DNAJC11: variants seen among roughly 807,000 people sequenced by gnomAD.
DNAJC11 encodes the protein dnaJ homolog subfamily C member 11.
Under a neutral mutation model 78.6 loss-of-function variants are expected in DNAJC11, and 15 were observed. The observed-to-expected ratio is 0.19, with a 90% CI of 0.13 to 0.29. The LOEUF is 0.29. Among genes scored for constraint, DNAJC11 ranks in the 10% least tolerant of loss-of-function variants. DNAJC11 has a pLI of 1.00. For missense variants in DNAJC11, 547 were observed against 709.6 expected (o/e 0.77, Z 2.60); for synonymous variants, 292 against 272.1 (o/e 1.07, Z -0.72).
At chr1:6,638,457 A>G in intron 11 of DNAJC11, 93 bp from the exon 12 acceptor site, 1 of 1,224,264 alleles carries the variant, frequency 8.2e-7, no homozygotes, top group Non-Finnish European at 1.1e-6. Context: ...GAGCCCAGCA[A>G]ACAGTCTGTG....
At chr1:6,679,929 A>C (rs1642528020) in intron 2 of DNAJC11, among the ~76,000 whole-genome samples, 1 of 152,224 alleles carries the variant, frequency 6.6e-6, no homozygotes, top group Admixed American at 6.5e-5. Flanking sequence ...ATACAGTTAA[A>C]TTTGGTAATG....
chr1:6,649,391 G>A (rs933370143), intron 7 of DNAJC11, among the ~76,000 whole-genome samples: 2 of 152,058 alleles, frequency 1.3e-5, no homozygotes, highest in South Asian at 2.1e-4. Context: ...GGATGGTCTC[G>A]ATCTCCTGAT....
chr1:6,652,619 T>C (rs1280685239), intron 6 of DNAJC11, among the ~76,000 whole-genome samples: 2 of 152,106 alleles, frequency 1.3e-5, no homozygotes, highest in Admixed American at 6.5e-5. Flanking sequence ...TTTGTATTTT[T>C]AGTAGAGACG....
intron 4 of DNAJC11, among the ~76,000 whole-genome samples, chr1:6,664,647 G>A (rs748290930): frequency 1.3e-5 from 2 of 152,136 alleles, no homozygotes; most frequent in Admixed American, 1.3e-4. Context: ...AGTTCTGAAC[G>A]TCATTTTGGT....
intron 3 of DNAJC11, among the ~76,000 whole-genome samples, chr1:6,673,739 C>T (rs1284540140): frequency 6.6e-6 from 1 of 152,128 alleles, no homozygotes. Context: ...GGATCCAATC[C>T]AAGATTCCAC....
In DNAJC11 at chr1:6,645,144, G is replaced by A. The variant is rs1416652188; in HGVS notation, c.895-18C>T. The A allele has an allele frequency of 5.6e-6, 9 of 1,598,916 alleles. No homozygotes were observed. In the Admixed American group the frequency reaches 1.5e-4, roughly 27 times the overall value. ...ATTCCCAGCTGGGGAGACAGAGGGTGCAAGGATGCGTGGCTAGGGCGTGTG... is the reference window on the plus strand; with the variant it reads ...ATTCCCAGCTGGGGAGACAGAGGGTACAAGGATGCGTGGCTAGGGCGTGTG... On this transcript the variant is annotated intron_variant, in intron 8 of 15. Transcript: ENST00000377577. The surrounding 1 kb of genome is among the most constrained non-coding windows in gnomAD (Gnocchi z 4.1).
At chr1:6,662,115 T>C (rs1642223031) in intron 4 of DNAJC11, among the ~76,000 whole-genome samples, 29 of 124,500 alleles carry the variant, frequency 2.3e-4, no homozygotes, top group African/African-American at 7.8e-4. Context: ...CCATGCCCAG[T>C]TAATTGTTTT....
rs1336020079 is a variant in DNAJC11, at chr1:6,645,413, A to G, written c.895-287T>C. Among the ~76,000 whole-genome samples, 1 of 152,224 alleles carries G rather than the reference A, an allele frequency of 6.6e-6. No individual in the cohort carries two copies. Among genetic ancestry groups the G allele is most frequent in the Non-Finnish European group, 1.5e-5 (1 of 68,034 alleles). On this transcript the variant is annotated intron_variant, in intron 8 of 15. Transcript: ENST00000377577. The surrounding 1 kb of genome is among the most constrained non-coding windows in gnomAD (Gnocchi z 4.1). ...TGGCAGCGGCTGGTGAGAGCCAAGG[A>G]GCAGTGGCCCGTGTGGGGCTTCTCA...
intron 9 of DNAJC11, 46 bp downstream of exon 9, chr1:6,644,995 G>A (rs768277100): frequency 7.8e-6 from 12 of 1,546,956 alleles, no homozygotes; most frequent in South Asian, 6.7e-5. Context: ...GTGAAGACCC[G>A]CATGCAGTAC....
At position 6,660,459 on chromosome 1, in the gene DNAJC11, A is replaced by T. The variant is rs1384870995; in HGVS notation, c.379-6420T>A. 2.0e-5 allele frequency among the ~76,000 whole-genome samples: 3 copies of T among 152,094 alleles called. No individual in the cohort carries two copies. The East Asian group carries it at 5.8e-4, about 29-fold the overall frequency. On this transcript the variant is annotated intron_variant, in intron 4 of 15. Transcript: ENST00000377577. Reference sequence around the variant, plus strand: ...GCATGAGCCACCACGCCCAGTCTTAATATATAATTTATATATTGCATTTAC... The same window carrying T: ...GCATGAGCCACCACGCCCAGTCTTATTATATAATTTATATATTGCATTTAC...
chr1:6,636,516 C>G (rs1641771652), intron 14 of DNAJC11, among the ~76,000 whole-genome samples: 1 of 152,182 alleles, frequency 6.6e-6, no homozygotes. Flanking sequence ...CATTTTCATC[C>G]TTCTGTATGG....
chr1:6,684,759 A>T (rs576383614), intron 1 of DNAJC11, among the ~76,000 whole-genome samples: 3 of 152,356 alleles, frequency 2.0e-5, no homozygotes, highest in Non-Finnish European at 4.4e-5. Context: ...GATTATCATT[A>T]AGAATGACAC....
rs377652601 is a variant in DNAJC11, at chr1:6,689,598, A to T, written c.73-8561T>A. On this transcript the variant is annotated intron_variant, in intron 1 of 15. Transcript: ENST00000377577. ...AGGTTGGGAGTTCCAGACCAGCTTG[A>T]CCAACATGGAGAAACCCTGTCTCTG... 3.0e-4 allele frequency among the ~76,000 whole-genome samples: 46 copies of T among 152,192 alleles called. 1 individual carries two copies. The East Asian group carries it at 6.8e-3, about 22-fold the overall frequency.
At chr1:6,643,852 T>C (rs1375542238) in intron 10 of DNAJC11, among the ~76,000 whole-genome samples, 1 of 152,026 alleles carries the variant, frequency 6.6e-6, no homozygotes, top group East Asian at 1.9e-4. Context: ...GACATTTGCT[T>C]ACTCAGCAAA....
chr1:6,682,906 CAG>C, intron 1 of DNAJC11, among the ~76,000 whole-genome samples: 1 of 152,138 alleles, frequency 6.6e-6, no homozygotes, highest in East Asian at 1.9e-4. Flanking sequence ...GCCTGGGTGA[CAG>C]AGGGGGAAAA....
At chr1:6,663,338 G>A (rs190991322) in intron 4 of DNAJC11, among the ~76,000 whole-genome samples, 1 of 152,000 alleles carries the variant, frequency 6.6e-6, no homozygotes, top group African/African-American at 2.4e-5. Context: ...GCTCCACACA[G>A]GATCTAAACA....
At chr1:6,693,149 G>T (rs1022885390) in intron 1 of DNAJC11, among the ~76,000 whole-genome samples, 1 of 152,002 alleles carries the variant, frequency 6.6e-6, no homozygotes, top group East Asian at 1.9e-4. Context: ...CTGACCTCAG[G>T]TGATCTGCCC....
At chr1:6,667,529 G>T (rs1238577652) in intron 4 of DNAJC11, among the ~76,000 whole-genome samples, 180 bp downstream of exon 4, 2 of 152,108 alleles carry the variant, frequency 1.3e-5, no homozygotes, top group Non-Finnish European at 2.9e-5. Flanking sequence ...GTGGCTGATG[G>T]CTACCAGGGA....
intron 1 of DNAJC11, among the ~76,000 whole-genome samples, chr1:6,695,473 T>C (rs924621708): frequency 4.6e-5 from 7 of 151,962 alleles, no homozygotes; most frequent in Non-Finnish European, 8.8e-5. Flanking sequence ...AAGCCATTAT[T>C]ACCTGTTACC....
Sources: allele counts gnomAD v4.1 joint callset (sites outside exome capture counted in the v4.1 genomes callset), GRCh38; gene constraint gnomAD v4.1.1; non-coding constraint Gnocchi (gnomAD v3.1); transcripts MANE v1.5; gene names NCBI Gene and HGNC (gene_info 2026-07-23, HGNC 2026-07-21).